Variants in TTC28 observed in about 807,000 individuals in gnomAD.
TTC28 encodes the protein tetratricopeptide repeat protein 28.
Under a neutral mutation model 198.0 loss-of-function variants are expected in TTC28, and 61 were observed. The observed-to-expected ratio is 0.31, with a 90% confidence interval of 0.25 to 0.38. The LOEUF is 0.38. Among genes scored for constraint, TTC28 ranks in the 10% least tolerant of loss-of-function variants. TTC28 has a pLI of 1.00. For missense variants in TTC28, 2,678 were observed against 3,164.0 expected, an observed-to-expected ratio of 0.85 and a Z score of 3.69; for synonymous variants, 1,171 against 1,297.8, an observed-to-expected ratio of 0.90 and a Z score of 2.10.
chr22:28,001,682 C>T (rs980539792), intron 14 of TTC28, 129 bp from the exon 15 acceptor site: 6 of 1,121,756 alleles, frequency 5.3e-6, no homozygotes, highest in Admixed American at 5.2e-5. Context: ...GGGTGTGGGG[C>T]GCCATGGGGC....
chr22:28,205,820 G>C (rs777651667), intron 5 of TTC28, among the ~76,000 whole-genome samples: 1 of 152,010 alleles, frequency 6.6e-6, no homozygotes, highest in Non-Finnish European at 1.5e-5. Context: ...TTAGAGATCA[G>C]ACTTAAAATA....
At chr22:28,099,252 C>T (rs921349261) in intron 9 of TTC28, among the ~76,000 whole-genome samples, 1 of 152,240 alleles carries the variant, frequency 6.6e-6, no homozygotes, top group Non-Finnish European at 1.5e-5. Flanking sequence ...TCCAGCATGA[C>T]TCAGTGAGTT....
chr22:28,037,945 G>C (rs1939436733), intron 12 of TTC28, among the ~76,000 whole-genome samples: 1 of 152,118 alleles, frequency 6.6e-6, no homozygotes, highest in African/African-American at 2.4e-5. Flanking sequence ...AAAATACCTA[G>C]GAAAACAACT....
chr22:28,400,543 G>A (rs1268808129), intron 2 of TTC28, among the ~76,000 whole-genome samples: 1 of 152,216 alleles, frequency 6.6e-6, no homozygotes, highest in African/African-American at 2.4e-5. Context: ...AGTAGTAGCA[G>A]TGGCAACAGT....
chr22:27,985,223 G>A (rs1162321446), intron 22 of TTC28, 26 bp downstream of exon 22: 48 of 1,520,188 alleles, frequency 3.2e-5, no homozygotes, highest in Non-Finnish European at 4.3e-5. Context: ...CCCTGGTGGA[G>A]AACTGGTCTG....
intron 5 of TTC28, among the ~76,000 whole-genome samples, chr22:28,168,159 A>G (rs1015827258): frequency 4.6e-5 from 7 of 152,216 alleles, no homozygotes; most frequent in African/African-American, 1.7e-4. Context: ...CCACTGCTCA[A>G]TGAAACAAAA....
intron 2 of TTC28, among the ~76,000 whole-genome samples, chr22:28,602,610 C>T (rs1390486396): frequency 6.6e-6 from 1 of 151,990 alleles, no homozygotes; most frequent in Non-Finnish European, 1.5e-5. Flanking sequence ...ACTGGGGGAT[C>T]TAGATAAAAG....
At chr22:28,023,877 G>A (rs1448758094) in intron 13 of TTC28, among the ~76,000 whole-genome samples, 1 of 152,112 alleles carries the variant, frequency 6.6e-6, no homozygotes, top group Non-Finnish European at 1.5e-5. Context: ...TCTAAGCCTC[G>A]GTGTCATCAT....
At chr22:28,351,497 GA>G in intron 2 of TTC28, among the ~76,000 whole-genome samples, 1 of 152,204 alleles carries the variant, frequency 6.6e-6, no homozygotes, top group African/African-American at 2.4e-5. Context: ...ACAAAATAAT[GA>G]AACCCTAGAA....
chr22:28,396,216 G>T (rs1417450895), intron 2 of TTC28, among the ~76,000 whole-genome samples: 1 of 152,180 alleles, frequency 6.6e-6, no homozygotes, highest in African/African-American at 2.4e-5. Context: ...GTAATTTGGT[G>T]ATTACATTTT....
intron 2 of TTC28, among the ~76,000 whole-genome samples, chr22:28,474,876 A>G (rs2048140673): frequency 6.6e-6 from 1 of 152,208 alleles, no homozygotes; most frequent in Admixed American, 6.5e-5. Context: ...GCACCAAAGC[A>G]AACAAAAAAA....
At chr22:28,296,925 G>A (rs2044907929) in intron 4 of TTC28, among the ~76,000 whole-genome samples, 1 of 152,130 alleles carries the variant, frequency 6.6e-6, no homozygotes, top group Non-Finnish European at 1.5e-5. Context: ...CAGTAGTCAG[G>A]CTCCACAGTA....
chr22:28,161,618 T>C (rs962795593), intron 6 of TTC28, among the ~76,000 whole-genome samples: 2 of 150,886 alleles, frequency 1.3e-5, no homozygotes, highest in Non-Finnish European at 2.9e-5. Context: ...TGCACCACTA[T>C]ACTCCAGCCA....
chr22:28,329,411 T>C (rs1167716968), intron 2 of TTC28, among the ~76,000 whole-genome samples: 2 of 152,172 alleles, frequency 1.3e-5, no homozygotes, highest in Non-Finnish European at 2.9e-5. Context: ...GTTCAGTAAT[T>C]ACATTATCAT....
intron 2 of TTC28, among the ~76,000 whole-genome samples, chr22:28,367,385 A>G (rs2046264645): frequency 6.6e-6 from 1 of 152,104 alleles, no homozygotes; most frequent in East Asian, 1.9e-4. Context: ...ATTTTCTTGA[A>G]GCAAATGATA....
At chr22:28,223,372 T>C (rs1346477656) in intron 5 of TTC28, among the ~76,000 whole-genome samples, 3 of 152,234 alleles carry the variant, frequency 2.0e-5, no homozygotes, top group Non-Finnish European at 4.4e-5. Context: ...AAGGATACCT[T>C]GGTTTCTTCT....
intron 5 of TTC28, among the ~76,000 whole-genome samples, chr22:28,237,428 G>C (rs1374730613): frequency 6.6e-6 from 1 of 151,950 alleles, no homozygotes; most frequent in Non-Finnish European, 1.5e-5. Context: ...AGACTGCTAG[G>C]GTTTACAGTA....
chr22:28,025,093 C>T (rs745355686), intron 13 of TTC28, among the ~76,000 whole-genome samples: 17 of 152,114 alleles, frequency 1.1e-4, no homozygotes, highest in Non-Finnish European at 2.1e-4. Flanking sequence ...GGTCATCACT[C>T]TGCATTTATT....
Position 27,992,536 on chromosome 22 carries a change from C to T in TTC28, c.5553+51G>A, listed in dbSNP as rs1236468015. ...TTAGGGCCAAGTTGCTCTGCCTTTCCAAATCAGCATGGGCCTCAGGCCCTG... is the reference window on the plus strand; with the variant it reads ...TTAGGGCCAAGTTGCTCTGCCTTTCTAAATCAGCATGGGCCTCAGGCCCTG... On this transcript the variant is annotated intron_variant, in intron 19 of 22. Coordinates refer to ENST00000397906, the MANE Select transcript of TTC28 (RefSeq NM_001145418.2). 4.9e-5 allele frequency: 75 copies of T among 1,537,560 alleles called. 2 individuals carry two copies. The South Asian group carries it at 8.4e-4, about 17-fold the overall frequency.
Sources: allele counts gnomAD v4.1 joint callset (sites outside exome capture counted in the v4.1 genomes callset), GRCh38; gene constraint gnomAD v4.1.1; transcripts MANE v1.5; gene names NCBI Gene and HGNC (gene_info 2026-07-23, HGNC 2026-07-21).